ACO2: variants seen among roughly 807,000 people sequenced by gnomAD.
The protein encoded by ACO2 is aconitase 2.
A neutral mutation model predicts 84.5 loss-of-function variants in ACO2; 31 were observed. The ratio of observed to expected loss-of-function variants is 0.37; its 90% CI spans 0.28 to 0.50. The LOEUF is 0.50. Among genes scored for constraint, ACO2 ranks in the 20% least tolerant of loss-of-function variants. The pLI is 0.97. For synonymous variants in ACO2, 414 were observed against 412.7 expected (o/e 1.00, Z -0.04); for missense variants, 685 against 1,029.3 (o/e 0.67, Z 4.58).
chr22:41,511,827 T>A, intron 3 of ACO2, 49 bp from the exon 4 acceptor site: 2 of 1,469,332 alleles, frequency 1.4e-6, no homozygotes, highest in African/African-American at 1.4e-5. Context: ...GAGGGTCACC[T>A]GGACACAAAC....
chr22:41,516,591 T>C (rs2066477497), intron 6 of ACO2, among the ~76,000 whole-genome samples: 2 of 152,182 alleles, frequency 1.3e-5, no homozygotes, highest in South Asian at 4.1e-4. Context: ...AGTCAGGACG[T>C]TGGTAACAGG....
chr22:41,523,753 A>G (rs1601926985), intron 11 of ACO2, 77 bp from the exon 12 acceptor site: 2 of 1,332,560 alleles, frequency 1.5e-6, no homozygotes, highest in Non-Finnish European at 2.2e-6. Context: ...CGCCACAGGA[A>G]CCCAGCTTAT....
intron 2 of ACO2, among the ~76,000 whole-genome samples, chr22:41,505,696 G>C (rs974353453): frequency 1.3e-5 from 2 of 151,980 alleles, no homozygotes. Flanking sequence ...AGATAATGCT[G>C]AGCTGAAAGT....
chr22:41,512,907 A>C lies in ACO2; in HGVS notation c.525+939A>C, dbSNP rs2066445111. On this transcript the variant is annotated intron_variant, in intron 4 of 17. Coordinates refer to ENST00000216254, the MANE Select transcript of ACO2 (RefSeq NM_001098.3). ...GAAACCTGCCTCTTCGCACCTTTGC[A>C]AGGTGGCCCTTCCCCCCACCTCCAT... Among the ~76,000 whole-genome samples the C allele has an allele frequency of 2.6e-5, 4 of 152,086 alleles. No individual in the cohort carries two copies. In the South Asian group the frequency reaches 8.3e-4, roughly 32 times the overall value.
chr22:41,506,840 G>A (rs1449355855), intron 2 of ACO2, among the ~76,000 whole-genome samples: 1 of 152,062 alleles, frequency 6.6e-6, no homozygotes, highest in African/African-American at 2.4e-5. Flanking sequence ...ATTCTGGGGG[G>A]CAGAGCGTGA....
intron 1 of ACO2, among the ~76,000 whole-genome samples, chr22:41,492,746 C>T (rs1186362582): frequency 6.6e-6 from 1 of 152,000 alleles, no homozygotes; most frequent in Non-Finnish European, 1.5e-5. Flanking sequence ...GCACTCCAGC[C>T]TGGGCAACAA....
intron 1 of ACO2, among the ~76,000 whole-genome samples, chr22:41,482,457 A>T (rs2038099834): frequency 6.6e-6 from 1 of 152,234 alleles, no homozygotes; most frequent in South Asian, 2.1e-4. Context: ...CACAAGAGTC[A>T]CACAGAGATG....
chr22:41,481,212 T>G (rs910228897), intron 1 of ACO2, among the ~76,000 whole-genome samples: 2 of 152,222 alleles, frequency 1.3e-5, no homozygotes, highest in African/African-American at 4.8e-5. Flanking sequence ...AAGCTGAGAT[T>G]CCAAGCCAGA....
intron 2 of ACO2, among the ~76,000 whole-genome samples, chr22:41,506,845 G>A (rs990920725): frequency 6.6e-6 from 1 of 152,094 alleles, no homozygotes; most frequent in Non-Finnish European, 1.5e-5. Context: ...GGGGGGCAGA[G>A]CGTGAGGTCT....
At chr22:41,514,207 C>G (rs879570914) in intron 4 of ACO2, among the ~76,000 whole-genome samples, 18 of 152,172 alleles carry the variant, frequency 1.2e-4, no homozygotes, top group Non-Finnish European at 2.6e-4. Context: ...TCTGGGAGCA[C>G]TGGTGGGTCC....
chr22:41,504,975 A>G (rs1334045493), intron 2 of ACO2, among the ~76,000 whole-genome samples: 1 of 151,750 alleles, frequency 6.6e-6, no homozygotes, highest in East Asian at 1.9e-4. Flanking sequence ...TCGGCCTCCT[A>G]AAGTGCTAGG....
intron 2 of ACO2, among the ~76,000 whole-genome samples, chr22:41,500,939 G>C (rs1000374381): frequency 6.6e-6 from 1 of 151,922 alleles, no homozygotes; most frequent in African/African-American, 2.4e-5. Context: ...CCTGACCTCA[G>C]GTGATCCACC....
chr22:41,515,545 G>T lies in ACO2; in HGVS notation c.684+10G>T. The T allele has an allele frequency of 6.2e-7, 1 of 1,604,238 alleles. No individual in the cohort carries two copies. The highest frequency in any genetic ancestry group is 8.5e-7 in the Non-Finnish European group (1 of 1,174,878). ...GCTGAAGTGCCCCAAGGTGAGGGTGGGGAGGGACTCATTCTGGGCTGGCTG... is the reference window on the plus strand; with the variant it reads ...GCTGAAGTGCCCCAAGGTGAGGGTGTGGAGGGACTCATTCTGGGCTGGCTG... On this transcript the variant is annotated intron_variant, in intron 5 of 17. Transcript: ENST00000216254. The surrounding 1 kb of genome is among the most constrained non-coding windows in gnomAD (Gnocchi z 5.8).
At chr22:41,476,563 A>AGCTGGGTGT (rs2038016479) in intron 1 of ACO2, among the ~76,000 whole-genome samples, 1 of 151,432 alleles carries the variant, frequency 6.6e-6, no homozygotes, top group Non-Finnish European at 1.5e-5. Flanking sequence ...GAAAAAAATT[A>AGCTGGGTGT]GCTGGGTGTG....
At chr22:41,478,284 C>T (rs537297035) in intron 1 of ACO2, among the ~76,000 whole-genome samples, 5 of 151,574 alleles carry the variant, frequency 3.3e-5, no homozygotes, top group South Asian at 2.1e-4. Context: ...ATCACAGGCA[C>T]GCACCACCAT....
At chr22:41,484,928 G>A (rs2038134167) in intron 1 of ACO2, among the ~76,000 whole-genome samples, 1 of 145,792 alleles carries the variant, frequency 6.9e-6, no homozygotes, top group Non-Finnish European at 1.5e-5. Context: ...AGGCTGGAGT[G>A]CAATGGTGCA....
intron 1 of ACO2, among the ~76,000 whole-genome samples, chr22:41,489,632 G>C (rs2066257412): frequency 1.3e-5 from 2 of 151,814 alleles, no homozygotes; most frequent in Non-Finnish European, 2.9e-5. Context: ...TACTCTGGAG[G>C]TAAGGTTCCA....
intron 6 of ACO2, among the ~76,000 whole-genome samples, chr22:41,517,066 G>A (rs1199623127): frequency 2.0e-5 from 3 of 152,128 alleles, no homozygotes; most frequent in African/African-American, 7.2e-5. Flanking sequence ...CAGGCAGACA[G>A]ACCAAGATCC....
chr22:41,526,529 T>A, intron 15 of ACO2, 76 bp downstream of exon 15: 1 of 1,495,914 alleles, frequency 6.7e-7, no homozygotes, highest in Non-Finnish European at 9.0e-7. Flanking sequence ...GGGAGGACAT[T>A]AGGGGAGTGG....
Sources: gnomAD v4.1 joint callset for allele counts (sites outside exome capture counted in the v4.1 genomes callset) on GRCh38, gnomAD v4.1.1 for gene constraint, Gnocchi (gnomAD v3.1) non-coding constraint, MANE v1.5 for transcripts, NCBI Gene and HGNC (gene_info 2026-07-23, HGNC 2026-07-21) for gene names.